CPQ: variants seen among roughly 807,000 people sequenced by gnomAD.
CPQ encodes the protein carboxypeptidase Q, also known as Ser-Met dipeptidase.
In CPQ, 37 loss-of-function variants were observed where a neutral mutation model predicts 45.7. The observed-to-expected ratio is 0.81, with a 90% CI of 0.62 to 1.07. The LOEUF (loss-of-function observed/expected upper bound fraction) is 1.07. Among genes scored for constraint, CPQ ranks in the 50% least tolerant of loss-of-function variants. CPQ has a pLI of 0.00. For missense variants in CPQ, 537 were observed against 572.9 expected, an observed-to-expected ratio of 0.94 and a Z score of 0.64; for synonymous variants, 186 against 205.8, an observed-to-expected ratio of 0.90 and a Z score of 0.82.
At chr8:97,065,413 G>T (rs1268972304) in intron 6 of CPQ, among the ~76,000 whole-genome samples, 2 of 152,262 alleles carry the variant, frequency 1.3e-5, no homozygotes, top group East Asian at 3.9e-4. Context: ...TTTACACCAG[G>T]GAGAGAAGTG....
At chr8:96,991,639 C>T (rs1325512181) in intron 5 of CPQ, among the ~76,000 whole-genome samples, 2 of 151,574 alleles carry the variant, frequency 1.3e-5, no homozygotes, top group Admixed American at 1.3e-4. Context: ...ATTTCTTTAA[C>T]ATTTCCTTCC....
rs548239700 is a variant in CPQ at position 97,018,193 on chromosome 8, C to A, written c.962-11210C>A. On this transcript the variant is annotated intron_variant, in intron 5 of 7. Coordinates refer to ENST00000220763, the MANE Select transcript of CPQ (RefSeq NM_016134.4). ...CATCCCTAGGAAAAGGGGGAGAGTA[C>A]TACATCAAGGAAACACCCTGTGAGA... Among the ~76,000 whole-genome samples, 51 of 152,280 alleles carry A rather than the reference C, an allele frequency of 3.3e-4. No homozygotes were observed. In the South Asian group the frequency reaches 5.6e-3, roughly 17 times the overall value.
intron 7 of CPQ, among the ~76,000 whole-genome samples, chr8:97,066,916 CTTTTTT>C (rs752150876): frequency 6.6e-5 from 4 of 60,358 alleles, no homozygotes; most frequent in African/African-American, 5.8e-5. Flanking sequence ...CTGGAACAGT[CTTTTTT>C]TTTTTTTTTT....
rs148557224 is a variant in CPQ, at chr8:96,933,776, A to G, written c.850-32159A>G. On this transcript the variant is annotated intron_variant, in intron 4 of 7. Transcript: ENST00000220763. ...TGCTTGCTTAGTAATAGCAGTGATG[A>G]CCATGTGGTATTGATGGTGATGACA... is the stretch of plus-strand genomic sequence containing the variant. 3.1e-3 allele frequency among the ~76,000 whole-genome samples: 469 copies of G among 152,174 alleles called. 2 individuals carry two copies. Among genetic ancestry groups the G allele is most frequent in the Non-Finnish European group, 5.0e-3 (343 of 67,990 alleles).
At chr8:96,658,258 A>G (rs574626988) in intron 1 of CPQ, among the ~76,000 whole-genome samples, 1 of 152,300 alleles carries the variant, frequency 6.6e-6, no homozygotes, top group South Asian at 2.1e-4. Flanking sequence ...ACTCAGTCCA[A>G]ATTTTAGGGT....
intron 4 of CPQ, among the ~76,000 whole-genome samples, chr8:96,900,353 T>C (rs1030040198): frequency 1.3e-5 from 2 of 152,168 alleles, no homozygotes; most frequent in African/African-American, 4.8e-5. Context: ...TGAGCTACCT[T>C]GGAAAGCCAT....
chr8:97,121,174 G>C (rs1811696212), intron 7 of CPQ, among the ~76,000 whole-genome samples: 1 of 152,168 alleles, frequency 6.6e-6, no homozygotes, highest in East Asian at 1.9e-4. Context: ...GTAGGAGCAA[G>C]AGCAATACAT....
chr8:97,058,787 T>C (rs1438841914), intron 6 of CPQ, among the ~76,000 whole-genome samples: 4 of 152,194 alleles, frequency 2.6e-5, no homozygotes, highest in Non-Finnish European at 5.9e-5. Flanking sequence ...TTGTGAGCTC[T>C]TGAGTCCCAC....
At chr8:97,029,620 G>A (rs1809862159) in intron 6 of CPQ, 126 bp downstream of exon 6, 2 of 776,332 alleles carry the variant, frequency 2.6e-6, no homozygotes, top group African/African-American at 1.7e-5. Context: ...CCTTGTATGA[G>A]CCTTCTCCCT....
intron 5 of CPQ, among the ~76,000 whole-genome samples, chr8:97,003,709 T>C (rs1476291660): frequency 6.6e-6 from 1 of 152,174 alleles, no homozygotes; most frequent in Non-Finnish European, 1.5e-5. Flanking sequence ...ATTGGCATCA[T>C]CTGCTTGGAA....
At chr8:96,649,232 C>T (rs569448525) in intron 1 of CPQ, among the ~76,000 whole-genome samples, 2 of 152,354 alleles carry the variant, frequency 1.3e-5, no homozygotes, top group East Asian at 3.9e-4. Context: ...CTGCCTTGGC[C>T]TCCCAAAGTG....
chr8:96,703,190 A>G lies in CPQ; in HGVS notation c.-35+57788A>G, dbSNP rs182538215. ...AATCTCTAATTCAGTGTTTGTGACA[A>G]CTTTATAGAACATAACTCCATGAAT... On this transcript the variant is annotated intron_variant, in intron 1 of 7. Transcript: ENST00000220763. 2.4e-3 allele frequency among the ~76,000 whole-genome samples: 365 copies of G among 152,312 alleles called. 3 individuals are homozygous for G. The highest frequency in any genetic ancestry group is 2.5e-3 in the Non-Finnish European group (168 of 68,032).
rs969888353 is a variant in CPQ, at chr8:96,739,188, G to A, written c.-34-45676G>A. ...TGAGATGGTATCTCATTGTGGTTTT[G>A]ATTTGCATTTCTCTGATGGCCAGTG... On this transcript the variant is annotated intron_variant, in intron 1 of 7. Transcript: ENST00000220763. Among the ~76,000 whole-genome samples, 17 of 147,382 alleles carry A rather than the reference G, an allele frequency of 1.2e-4. 1 individual carries two copies. The South Asian group carries it at 2.0e-3, about 17-fold the overall frequency.
chr8:96,658,190 T>A (rs1400018385), intron 1 of CPQ, among the ~76,000 whole-genome samples: 3 of 152,218 alleles, frequency 2.0e-5, no homozygotes, highest in African/African-American at 7.2e-5. Context: ...CTAAGTTCTT[T>A]GAGAAGCAGA....
At chr8:96,741,411 C>T (rs1810089609) in intron 1 of CPQ, among the ~76,000 whole-genome samples, 1 of 151,952 alleles carries the variant, frequency 6.6e-6, no homozygotes, top group African/African-American at 2.4e-5. Flanking sequence ...TTTGTTGATC[C>T]TTTCAAAAAA....
intron 1 of CPQ, among the ~76,000 whole-genome samples, chr8:96,671,104 C>G (rs1198758555): frequency 6.6e-6 from 1 of 152,118 alleles, no homozygotes; most frequent in Non-Finnish European, 1.5e-5. Flanking sequence ...TACAGTGATC[C>G]CAACATAAAA....
intron 7 of CPQ, among the ~76,000 whole-genome samples, chr8:97,122,800 G>A (rs529448646): frequency 4.0e-5 from 6 of 149,856 alleles, no homozygotes; most frequent in Admixed American, 2.0e-4. Flanking sequence ...CAGGAGAATC[G>A]CTTGAACCCA....
intron 1 of CPQ, among the ~76,000 whole-genome samples, chr8:96,699,399 A>T (rs990708952): frequency 6.6e-6 from 1 of 152,172 alleles, no homozygotes; most frequent in African/African-American, 2.4e-5. Flanking sequence ...TTTAGAAAGC[A>T]TGAATAAGAC....
chr8:96,828,760 A>T (rs749508498), intron 2 of CPQ, among the ~76,000 whole-genome samples: 3 of 152,114 alleles, frequency 2.0e-5, no homozygotes, highest in Non-Finnish European at 4.4e-5. Context: ...CATGTCAGCC[A>T]TGCTTCAAAG....
Sources: allele counts gnomAD v4.1 joint callset (sites outside exome capture counted in the v4.1 genomes callset), GRCh38; gene constraint gnomAD v4.1.1; transcripts MANE v1.5; gene names NCBI Gene and HGNC (gene_info 2026-07-23, HGNC 2026-07-21).